Variants in PRDM16 observed in about 807,000 individuals in gnomAD.
The protein encoded by PRDM16 is histone-lysine N-methyltransferase PRDM16.
In PRDM16, 23 loss-of-function variants were observed where a neutral mutation model predicts 110.6. The ratio of observed to expected loss-of-function variants is 0.21; its 90% CI spans 0.15 to 0.29. PRDM16 has a LOEUF of 0.29. Ranked by LOEUF, PRDM16 falls within the 10% of genes least tolerant of loss-of-function variation. The pLI is 1.00. For synonymous variants in PRDM16, 799 were observed against 781.8 expected, an observed-to-expected ratio of 1.02 and a Z score of -0.37; for missense variants, 1,615 against 1,794.3, an observed-to-expected ratio of 0.90 and a Z score of 1.81.
At chr1:3,225,566 G>A (rs1639267944) in intron 2 of PRDM16, among the ~76,000 whole-genome samples, 2 of 150,420 alleles carry the variant, frequency 1.3e-5, no homozygotes, top group African/African-American at 2.5e-5. Context: ...GTGTGTGTGT[G>A]TGTGTGTGCG....
intron 1 of PRDM16, among the ~76,000 whole-genome samples, chr1:3,111,535 G>A (rs1236153094): frequency 5.1e-5 from 4 of 77,844 alleles, no homozygotes; most frequent in Middle Eastern, 7.7e-3. Context: ...GGAGAGCGGA[G>A]GGAAAGAGGT....
rs1240236421 is a variant in PRDM16 at position 3,290,301 on chromosome 1, G to T, written c.438+46164G>T. Among the ~76,000 whole-genome samples the T allele has an allele frequency of 6.6e-6, 1 of 152,144 alleles. No homozygotes were observed. Among genetic ancestry groups the T allele is most frequent in the African/African-American group, 2.4e-5 (1 of 41,426 alleles). ...CTGCCTGCCAGCCCACAGGGCTCAGGGGTCCTCAGAGGTGTCGCCCCTTCC... is the reference window on the plus strand; with the variant it reads ...CTGCCTGCCAGCCCACAGGGCTCAGTGGTCCTCAGAGGTGTCGCCCCTTCC... On this transcript the variant is annotated intron_variant, in intron 3 of 16. Coordinates refer to ENST00000270722, the MANE Select transcript of PRDM16 (RefSeq NM_022114.4). The surrounding 1 kb of genome is among the most constrained non-coding windows in gnomAD (Gnocchi z 4.8).
At chr1:3,185,169 G>A (rs9660914) in intron 1 of PRDM16, among the ~76,000 whole-genome samples, 72,535 of 152,014 alleles carry the variant, frequency 0.48, 20,459 homozygotes, top group Non-Finnish European at 0.62. Flanking sequence ...TCCTCGCCCT[G>A]CCCATCTCCC....
chr1:3,221,861 T>G (rs1277037407), intron 2 of PRDM16, among the ~76,000 whole-genome samples: 1 of 152,238 alleles, frequency 6.6e-6, no homozygotes, highest in Non-Finnish European at 1.5e-5. Flanking sequence ...AATTTCCTCA[T>G]GGAGAATTCA....
rs2100677742 is a variant in PRDM16 at position 3,418,751 on chromosome 1, G to A, written c.2939+7G>A. 2.5e-6 allele frequency: 4 copies of A among 1,611,650 alleles called. No individual in the cohort carries two copies. The highest frequency in any genetic ancestry group is 2.2e-5 in the East Asian group (1 of 44,858). On this transcript the variant is annotated splice_region_variant and intron_variant, in intron 12 of 16. Transcript: ENST00000270722. ...CTGGGGAGCAGCCGTACAGGTAGGT[G>A]CTGCGTGGGCTGGGTGTGGGGGCGG...
chr1:3,270,465 C>CA (rs1640420310), intron 3 of PRDM16, among the ~76,000 whole-genome samples: 21 of 122,882 alleles, frequency 1.7e-4, no homozygotes, highest in Admixed American at 1.5e-3. Flanking sequence ...GGACAGTCGG[C>CA]GAGGAGGACA....
intron 4 of PRDM16, among the ~76,000 whole-genome samples, chr1:3,393,814 A>G (rs931703481): frequency 6.6e-6 from 1 of 151,546 alleles, no homozygotes; most frequent in African/African-American, 2.4e-5. Context: ...TTCACCTCTG[A>G]CCCCCGAAGC....
chr1:3,113,863 A>C (rs917633336), intron 1 of PRDM16, among the ~76,000 whole-genome samples: 1 of 152,236 alleles, frequency 6.6e-6, no homozygotes, highest in Admixed American at 6.5e-5. Flanking sequence ...TGGGCTCAGA[A>C]GCTCTGGAAT....
intron 3 of PRDM16, among the ~76,000 whole-genome samples, chr1:3,326,961 G>A (rs1397110686): frequency 6.6e-6 from 1 of 152,198 alleles, no homozygotes; most frequent in Non-Finnish European, 1.5e-5. Context: ...GGCTGTGAGG[G>A]CCCCCAGACG....
In PRDM16 at chr1:3,175,822, G is replaced by A. The variant is rs113021861; in HGVS notation, c.38-10303G>A. Among the ~76,000 whole-genome samples, 622 of 152,262 alleles carry A rather than the reference G, an allele frequency of 4.1e-3. 4 individuals are homozygous for A. The highest frequency in any genetic ancestry group is 0.014 in the African/African-American group (594 of 41,536). On this transcript the variant is annotated intron_variant, in intron 1 of 16. Transcript: ENST00000270722. This position sits in a 1 kb window ranked among gnomAD's most constrained non-coding sequence, Gnocchi z 4.8. Reference sequence around the variant, plus strand: ...TCTCAGATGAGCCGATCAGGGTCAAGGGCAGAGAGGAGCCAGGGTTGTGTT... The same window carrying A: ...TCTCAGATGAGCCGATCAGGGTCAAAGGCAGAGAGGAGCCAGGGTTGTGTT...
intron 3 of PRDM16, among the ~76,000 whole-genome samples, chr1:3,266,958 G>A (rs1380128808): frequency 6.6e-6 from 1 of 152,204 alleles, no homozygotes; most frequent in African/African-American, 2.4e-5. Context: ...GATTACAGGT[G>A]TGAGCCACCG....
At chr1:3,308,754 C>A (rs2100408966) in intron 3 of PRDM16, 1 of 152,358 alleles carries the variant, frequency 6.6e-6, no homozygotes, top group Admixed American at 6.5e-5. Context: ...GGGGACAGCT[C>A]CAGTTCTGGG....
rs1008053833 is a variant in PRDM16, at chr1:3,390,706, C to A, written c.573+5420C>A. On this transcript the variant is annotated intron_variant, in intron 4 of 16. Coordinates refer to ENST00000270722, the MANE Select transcript of PRDM16 (RefSeq NM_022114.4). This position sits in a 1 kb window ranked among gnomAD's most constrained non-coding sequence, Gnocchi z 5.0. ...GTCCTGGGCTCTGACCCGGGTCCCG[C>A]GTTTCTGTCTGGGCGTGTGCCCTGT... Among the ~76,000 whole-genome samples the A allele has an allele frequency of 4.6e-5, 7 of 152,136 alleles. No homozygotes were observed. The highest frequency in any genetic ancestry group is 7.4e-5 in the Non-Finnish European group (5 of 68,024).
rs1397484158 is a variant in PRDM16 at position 3,239,075 on chromosome 1, C to G, written c.388-5012C>G. Among the ~76,000 whole-genome samples, 6 of 152,254 alleles carry G rather than the reference C, an allele frequency of 3.9e-5. No homozygotes were observed. In the South Asian group the frequency reaches 1.2e-3, roughly 31 times the overall value. ...ATGACTGGCTTCACCATTGCCATCA[C>G]CTTGATGCAACATTTACACCAGGGA... On this transcript the variant is annotated intron_variant, in intron 2 of 16. Coordinates refer to ENST00000270722, the MANE Select transcript of PRDM16 (RefSeq NM_022114.4).
chr1:3,152,699 C>T (rs1385793037), intron 1 of PRDM16, among the ~76,000 whole-genome samples: 1 of 152,222 alleles, frequency 6.6e-6, no homozygotes, highest in Non-Finnish European at 1.5e-5. Context: ...GTCCGTCGTC[C>T]ATCTGGTTTC....
Position 3,157,821 on chromosome 1 carries a change from G to A in PRDM16, c.38-28304G>A, listed in dbSNP as rs941553433. ...GGCTGGGGATGTGTCCAGGGTCACC[G>A]AGGCCATCTGGCCTCCCCCAGCACC... On this transcript the variant is annotated intron_variant, in intron 1 of 16. Transcript: ENST00000270722. The surrounding 1 kb of genome is among the most constrained non-coding windows in gnomAD (Gnocchi z 4.8). Among the ~76,000 whole-genome samples, 4 of 152,180 alleles carry A rather than the reference G, an allele frequency of 2.6e-5. No homozygotes were observed. The highest frequency in any genetic ancestry group is 5.9e-5 in the Non-Finnish European group (4 of 68,038).
At chr1:3,342,720 C>T (rs976023649) in intron 3 of PRDM16, among the ~76,000 whole-genome samples, 2 of 152,180 alleles carry the variant, frequency 1.3e-5, no homozygotes, top group Non-Finnish European at 2.9e-5. Context: ...CTTTGAACTC[C>T]GCATAAAGAC....
intron 3 of PRDM16, among the ~76,000 whole-genome samples, chr1:3,315,126 C>T (rs1641570351): frequency 2.0e-5 from 3 of 151,202 alleles, no homozygotes; most frequent in Admixed American, 2.0e-4. Context: ...CCGCCTCTCT[C>T]TCTTTCTCCT....
chr1:3,292,591 C>T (rs1320696068), intron 3 of PRDM16, among the ~76,000 whole-genome samples: 3 of 152,184 alleles, frequency 2.0e-5, no homozygotes, highest in South Asian at 2.1e-4. Flanking sequence ...CTTGTCCAGA[C>T]GAGAGTGGCT....
Sources: allele counts gnomAD v4.1 joint callset (sites outside exome capture counted in the v4.1 genomes callset), GRCh38; gene constraint gnomAD v4.1.1; non-coding constraint Gnocchi (gnomAD v3.1); transcripts MANE v1.5; gene names NCBI Gene and HGNC (gene_info 2026-07-23, HGNC 2026-07-21).